SMIM27: variants seen among roughly 807,000 people sequenced by gnomAD.
The protein encoded by SMIM27 is transition zone microprotein 1, also known as TOPORS antisense RNA 1 (non-protein coding).
In SMIM27, 3 loss-of-function variants were observed where a neutral mutation model predicts 1.8. That is an observed-to-expected ratio of 1.65 (90% CI 0.75 to 4.28). The LOEUF is 4.28. Among genes scored for constraint, SMIM27 ranks in the 30% most tolerant of loss-of-function variants. The probability of loss-of-function intolerance (pLI) is 0.02; values close to 1 mark genes in which losing one functional copy is unlikely to be tolerated. For synonymous variants in SMIM27, 19 were observed against 13.9 expected (o/e 1.37, Z -0.82); for missense variants, 63 against 37.0 (o/e 1.70, Z -1.83).
chr9:32,559,961 A>G (rs1402521830), intron 1 of SMIM27, among the ~76,000 whole-genome samples: 2 of 152,222 alleles, frequency 1.3e-5, no homozygotes, highest in African/African-American at 4.8e-5. Context: ...CATCTGCACA[A>G]GATACCACTG....
downstream of SMIM27, chr9:32,553,645 T>C (rs924419604): frequency 6.2e-6 from 3 of 483,822 alleles, no homozygotes; most frequent in Middle Eastern, 5.6e-4. Context: ...CCATACCGTT[T>C]TCCAAGTCAA....
At chr9:32,552,580 C>G (rs1448789746) in intron 1 of SMIM27, 101 bp downstream of exon 1, 23 of 1,029,396 alleles carry the variant, frequency 2.2e-5, no homozygotes, top group Non-Finnish European at 3.3e-5. Context: ...AAATCCATTC[C>G]TGAATTAAGC....
intron 1 of SMIM27, among the ~76,000 whole-genome samples, chr9:32,563,408 C>T (rs1427140002): frequency 6.7e-6 from 1 of 149,538 alleles, no homozygotes; most frequent in Non-Finnish European, 1.5e-5. Flanking sequence ...GTGGGCAGCA[C>T]AATCATAGCT....
chr9:32,552,716 A>G, intron 1 of SMIM27, 85 bp from the exon 2 acceptor site: 1 of 669,718 alleles, frequency 1.5e-6, no homozygotes, highest in South Asian at 1.6e-5. Flanking sequence ...TTTAATTCCC[A>G]CCTTAGCAAT....
upstream of SMIM27, chr9:32,551,262 C>T (rs925177544): frequency 7.8e-5 from 44 of 562,796 alleles, 1 homozygote; most frequent in Non-Finnish European, 1.3e-4. Context: ...AACACGAGAA[C>T]TAGTTCGATG....
chr9:32,564,758 G>A (rs1362668119), intron 1 of SMIM27, among the ~76,000 whole-genome samples: 1 of 152,184 alleles, frequency 6.6e-6, no homozygotes, highest in African/African-American at 2.4e-5. Flanking sequence ...AAATGGAGCA[G>A]GAGCAGGGTT....
At chr9:32,559,050 A>G in intron 1 of SMIM27, 1 of 765,870 alleles carries the variant, frequency 1.3e-6, no homozygotes, top group Non-Finnish European at 2.2e-6. Context: ...TTAAGCTCCA[A>G]ACTTTCACAG....
At chr9:32,552,531 G>T in intron 1 of SMIM27, 52 bp downstream of exon 1, 1 of 1,510,192 alleles carries the variant, frequency 6.6e-7, no homozygotes, top group Non-Finnish European at 9.0e-7. Flanking sequence ...TGGGCCCGCA[G>T]GCGGAAAGGC....
exon 2 of SMIM27, chr9:32,566,762 G>A: frequency 1.1e-6 from 1 of 903,234 alleles, no homozygotes; most frequent in South Asian, 1.3e-5. Flanking sequence ...CAGCCCGGGT[G>A]TCGGCTGCGA....
chr9:32,566,704 A>T, exon 2 of SMIM27: 1 of 842,150 alleles, frequency 1.2e-6, no homozygotes, highest in African/African-American at 1.7e-5. Flanking sequence ...AGATAGCCAG[A>T]CTTATTCCAA....
rs1196035091 is a variant in SMIM27 at position 32,552,888 on chromosome 9, CCAGA to C, written c.136_139del (p.Asp46LysfsTer?). 4.3e-6 allele frequency: 3 copies of C among 702,610 alleles called. No individual in the cohort carries two copies. Among genetic ancestry groups the C allele is most frequent in the East Asian group, 5.4e-5 (2 of 37,258 alleles). 43.5% of individuals were successfully genotyped at this position (702,610 alleles called of 1,614,324 possible). On this transcript the variant is annotated frameshift_variant, in exon 2 of 2. Coordinates refer to ENST00000692500, the MANE Select transcript of SMIM27 (RefSeq NM_001387564.1). LOFTEE classifies it high-confidence loss of function. Reference sequence around the variant, plus strand: ...AAGACGACAGCTAAGGAAGAAATACCCAGACAAAATCTTTGGGACGAATGAAAAT... The same window carrying C: ...AAGACGACAGCTAAGGAAGAAATACCCAAAATCTTTGGGACGAATGAAAAT...
At chr9:32,557,421 G>A (rs148932878), downstream of SMIM27, among the ~76,000 whole-genome samples, 5 of 150,566 alleles carry the variant, frequency 3.3e-5, no homozygotes, top group Non-Finnish European at 7.4e-5. Flanking sequence ...CACCCACCTC[G>A]GCTTCCCATA....
exon 2 of SMIM27, chr9:32,566,758 G>A (rs978599251): frequency 1.8e-5 from 16 of 906,000 alleles, no homozygotes; most frequent in East Asian, 5.1e-5. Flanking sequence ...TCCTCAGCCC[G>A]GGTGTCGGCT....
At chr9:32,551,856 G>A, upstream of SMIM27, 1 of 427,996 alleles carries the variant, frequency 2.3e-6, no homozygotes, top group Non-Finnish European at 4.8e-6. Context: ...TACGCTATAC[G>A]TTTCTGAAGA....
upstream of SMIM27, chr9:32,552,155 C>G (rs1821286998): frequency 1.9e-6 from 1 of 518,956 alleles, no homozygotes; most frequent in Admixed American, 3.7e-5. Context: ...AGTGGAGGTA[C>G]GCCTATCTCC....
intron 1 of SMIM27, chr9:32,566,284 G>A: frequency 8.7e-7 from 1 of 1,154,278 alleles, no homozygotes. Flanking sequence ...GAGGTAGAAA[G>A]CAGGCCATAA....
At chr9:32,557,162 CTTT>C (rs34291462), downstream of SMIM27, among the ~76,000 whole-genome samples, 14,012 of 129,180 alleles carry the variant, frequency 0.11, 890 homozygotes, top group Middle Eastern at 0.28. Flanking sequence ...CTGGCCCCCA[CTTT>C]TTTTTTTTTT....
At chr9:32,558,924 A>G (rs1324595936) in intron 1 of SMIM27, 1 of 1,582,816 alleles carries the variant, frequency 6.3e-7, no homozygotes, top group Non-Finnish European at 8.7e-7. Context: ...AATATTCTGG[A>G]CTTCTTTTCA....
chr9:32,566,506 G>A, exon 2 of SMIM27: 1 of 775,096 alleles, frequency 1.3e-6, no homozygotes. Flanking sequence ...GCCTTCCGGT[G>A]TGCAGAGACG....
Sources: gnomAD v4.1 joint callset for allele counts (sites outside exome capture counted in the v4.1 genomes callset) on GRCh38, gnomAD v4.1.1 for gene constraint, MANE v1.5 for transcripts, NCBI Gene and HGNC (gene_info 2026-07-23, HGNC 2026-07-21) for gene names.